The following NIN variants were observed in gnomAD, a reference collection of about 807,000 sequenced individuals.
The protein encoded by NIN is glycogen synthase kinase 3 beta-interacting protein.
Under a neutral mutation model 257.6 loss-of-function variants are expected in NIN, and 137 were observed. That is an observed-to-expected ratio of 0.53 (90% CI 0.46 to 0.61). The LOEUF (loss-of-function observed/expected upper bound fraction) is 0.61, where lower values mean the gene tolerates loss of function less well. NIN is among the 20% of genes least tolerant of loss of function. The pLI is 0.00. For synonymous variants in NIN, 918 were observed against 919.8 expected (o/e 1.00, Z 0.04); for missense variants, 2,439 against 2,501.2 (o/e 0.98, Z 0.53).
At chr14:50,824,737 C>T (rs2045384609) in intron 2 of NIN, among the ~76,000 whole-genome samples, 1 of 152,164 alleles carries the variant, frequency 6.6e-6, no homozygotes. Context: ...TGGATCACTC[C>T]TTGAGAGGAA....
chr14:50,753,787 TCTTTA>T (rs1474448170), intron 20 of NIN, among the ~76,000 whole-genome samples: 1 of 152,200 alleles, frequency 6.6e-6, no homozygotes, highest in African/African-American at 2.4e-5. Context: ...TAGATATCAA[TCTTTA>T]CTTCTTGCTA....
intron 16 of NIN, 76 bp from the exon 17 acceptor site, chr14:50,760,435 TG>T: frequency 9.5e-6 from 9 of 942,526 alleles, no homozygotes; most frequent in South Asian, 5.3e-5. Flanking sequence ...GAGCAGCAAT[TG>T]CTTTTTTTTT....
In NIN at chr14:50,735,515, C is replaced by T; in HGVS notation, c.5877+1G>A. ...CTAAGGCCATCTGCTGAGAAACTTA[C>T]CTCCATGAGCTGCTCATCCAGTTTT... On this transcript the variant is annotated splice_donor_variant, in intron 28 of 30. Coordinates refer to ENST00000530997, the MANE Select transcript of NIN (RefSeq NM_020921.4). LOFTEE classifies it high-confidence loss of function. 1.2e-6 allele frequency: 2 copies of T among 1,612,550 alleles called. No individual in the cohort carries two copies. Among genetic ancestry groups the T allele is most frequent in the Middle Eastern group, 1.7e-4 (1 of 6,058 alleles).
intron 4 of NIN, among the ~76,000 whole-genome samples, chr14:50,793,425 C>A (rs753937107): frequency 6.6e-6 from 1 of 152,004 alleles, no homozygotes; most frequent in South Asian, 2.1e-4. Flanking sequence ...ACGGACACAA[C>A]ACATTCTAAG....
At chr14:50,795,742 A>C (rs906957341) in intron 4 of NIN, among the ~76,000 whole-genome samples, 10 of 152,236 alleles carry the variant, frequency 6.6e-5, no homozygotes, top group Admixed American at 6.5e-4. Flanking sequence ...TCCACAGGTG[A>C]GAGTATCTGC....
At chr14:50,817,862 C>A (rs1402711631) in intron 3 of NIN, among the ~76,000 whole-genome samples, 11 of 151,978 alleles carry the variant, frequency 7.2e-5, no homozygotes, top group Admixed American at 7.2e-4. Context: ...ATTACCGGCG[C>A]CCACTGCCAC....
chr14:50,742,686 G>C (rs2041348127), intron 24 of NIN, among the ~76,000 whole-genome samples: 1 of 152,102 alleles, frequency 6.6e-6, no homozygotes, highest in Admixed American at 6.5e-5. Flanking sequence ...GAGTCACCGT[G>C]CCTGGCTAAG....
intron 5 of NIN, among the ~76,000 whole-genome samples, chr14:50,781,285 G>A (rs549324750): frequency 5.3e-5 from 8 of 152,210 alleles, no homozygotes; most frequent in Admixed American, 4.6e-4. Flanking sequence ...CAGCAGAAAT[G>A]AATGGGAGAA....
At chr14:50,824,131 T>C (rs2045356846) in intron 2 of NIN, among the ~76,000 whole-genome samples, 1 of 152,210 alleles carries the variant, frequency 6.6e-6, no homozygotes, top group African/African-American at 2.4e-5. Flanking sequence ...ATTTTGCATA[T>C]ATGTTTAAAA....
intron 22 of NIN, among the ~76,000 whole-genome samples, chr14:50,745,217 G>A (rs1349570159): frequency 6.6e-6 from 1 of 152,048 alleles, no homozygotes; most frequent in African/African-American, 2.4e-5. Context: ...GGGGGTCGCG[G>A]GGCATTCTGG....
intron 29 of NIN, 32 bp from the exon 30 acceptor site, chr14:50,726,098 T>C (rs1209523729): frequency 3.3e-6 from 5 of 1,530,196 alleles, no homozygotes; most frequent in East Asian, 4.5e-5. Flanking sequence ...TATTCGAAAA[T>C]CATGTCACAC....
At position 50,722,132 on chromosome 14, in the gene NIN, C is replaced by T. The variant is rs1259256303; in HGVS notation, c.*1331G>A. ...TAGTAAGTCTTCCACCAACTGCTGG[C>T]GGAAGTGGCTAGCAGAGATTATAAT... On this transcript the variant is annotated 3_prime_UTR_variant, in exon 31 of 31. Transcript: ENST00000530997. The T allele has an allele frequency of 2.2e-5, 4 of 181,682 alleles. No individual in the cohort carries two copies. The highest frequency in any genetic ancestry group is 7.8e-5 in the African/African-American group (2 of 25,680). The allele number at this position is 181,682 out of a possible 1,614,324, so 11.3% of individuals were successfully genotyped here.
intron 21 of NIN, among the ~76,000 whole-genome samples, chr14:50,751,732 G>A (rs1386135320): frequency 6.6e-6 from 1 of 152,104 alleles, no homozygotes; most frequent in African/African-American, 2.4e-5. Flanking sequence ...TTGTTATGTT[G>A]TCCAGGCTGG....
rs751108166 is a variant in NIN at position 50,752,557 on chromosome 14, C to A, written c.4911G>T (p.Lys1637Asn). The stretch of plus-strand genomic sequence containing the variant: ...GTTCCAGTTCTTCTTTCAGATTAAA[C>A]TTCTCTTGTTCCCGTTCCTCCAATG... ...NSALEEREQEKFNLKEELERC... is the reference protein window; with the variant it reads ...NSALEEREQENFNLKEELERC... The change falls in exon 21 of 31, where the codon AAG (lysine) becomes AAT (asparagine). Residue 1637 changes from lysine to asparagine, a missense_variant. Lys to Asn is a moderately conservative substitution (Grantham distance 94, BLOSUM62 0). This residue lies in a region of NIN where 2,043 missense variants were observed against 2,050.2 expected (regional missense o/e 1.00). Transcript: ENST00000530997. 1 of 1,614,046 alleles carries A rather than the reference C, an allele frequency of 6.2e-7. No individual in the cohort carries two copies. The highest frequency in any genetic ancestry group is 8.5e-7 in the Non-Finnish European group (1 of 1,179,960).
At chr14:50,755,927 A>G (rs1232793154) in intron 18 of NIN, among the ~76,000 whole-genome samples, 1 of 152,118 alleles carries the variant, frequency 6.6e-6, no homozygotes, top group African/African-American at 2.4e-5. Context: ...TTGGCCTCCC[A>G]AACAGTTGAG....
rs758322397 is a variant in NIN, at chr14:50,766,873, T to C, written c.1452A>G (p.Glu484=). The change falls in exon 13 of 31, where the codon GAA becomes GAG. Residue 484 remains glutamate, a synonymous_variant. Transcript: ENST00000530997. The stretch of plus-strand genomic sequence containing the variant: ...TCTCTGCATTTTCTAGAAGCTCATT[T>C]TCCAGACGACTGTTTTCCTGAACAA... ...ALSLKENSRL[E]NELLENAEKL... 3 of 1,613,434 alleles carry C rather than the reference T, an allele frequency of 1.9e-6. No homozygotes were observed. In the African/African-American group the frequency reaches 4.0e-5, roughly 21 times the overall value.
chr14:50,805,465 G>A (rs188922783), intron 4 of NIN, among the ~76,000 whole-genome samples: 9 of 152,238 alleles, frequency 5.9e-5, no homozygotes, highest in Non-Finnish European at 7.4e-5. Context: ...ATTGCTAGGG[G>A]TGTCACCATC....
At chr14:50,828,859 A>G (rs2045577521) in intron 2 of NIN, among the ~76,000 whole-genome samples, 1 of 152,204 alleles carries the variant, frequency 6.6e-6, no homozygotes, top group East Asian at 1.9e-4. Flanking sequence ...ACATCTTTTG[A>G]TATTAAGGGT....
In NIN at chr14:50,831,094, C is replaced by A. The variant is rs1421057666; in HGVS notation, c.-164G>T. On this transcript the variant is annotated 5_prime_UTR_variant, in exon 1 of 31. Transcript: ENST00000530997. Reference sequence around the variant, plus strand: ...CTTGGCGGCGGCAGCGGGACGGCCGCGCCCAGCGCGCTCGGCTCCCGGCTC... The same window carrying A: ...CTTGGCGGCGGCAGCGGGACGGCCGAGCCCAGCGCGCTCGGCTCCCGGCTC... 6.7e-6 allele frequency: 1 copy of A among 149,762 alleles called. No individual in the cohort carries two copies. Among genetic ancestry groups the A allele is most frequent in the Non-Finnish European group, 1.5e-5 (1 of 67,178 alleles). The allele number at this position is 149,762 out of a possible 1,614,324, so 9.3% of individuals were successfully genotyped here. A position where few individuals can be genotyped will look rare whatever the true frequency, so the allele number is the denominator to read the frequency against.
Sources: allele counts gnomAD v4.1 joint callset (sites outside exome capture counted in the v4.1 genomes callset), GRCh38; gene constraint gnomAD v4.1.1; regional missense constraint gnomAD v4.1.1; transcripts MANE v1.5; gene names NCBI Gene and HGNC (gene_info 2026-07-23, HGNC 2026-07-21).